Variants in DLGAP2 observed in about 807,000 individuals in gnomAD.
DLGAP2 encodes disks large-associated protein 2.
In DLGAP2, 26 loss-of-function variants were observed where a neutral mutation model predicts 100.3. The ratio of observed to expected loss-of-function variants is 0.26; its 90% CI spans 0.19 to 0.36. The LOEUF (loss-of-function observed/expected upper bound fraction) is 0.36, where lower values mean the gene tolerates loss of function less well. Among genes scored for constraint, DLGAP2 ranks in the 10% least tolerant of loss-of-function variants. The pLI is 1.00. For missense variants in DLGAP2, 1,858 were observed against 1,453.2 expected, an observed-to-expected ratio of 1.28 and a Z score of -4.53; for synonymous variants, 886 against 630.1, an observed-to-expected ratio of 1.41 and a Z score of -6.08.
chr8:1,672,407 T>G (rs945197652), intron 10 of DLGAP2, among the ~76,000 whole-genome samples: 10 of 152,162 alleles, frequency 6.6e-5, no homozygotes, highest in African/African-American at 2.4e-4. Context: ...TTTGTATTTT[T>G]AGTAGAGATG....
chr8:1,154,113 A>T (rs1796739954), intron 2 of DLGAP2, among the ~76,000 whole-genome samples: 1 of 152,220 alleles, frequency 6.6e-6, no homozygotes, highest in African/African-American at 2.4e-5. Context: ...GCATACATGG[A>T]TATGCACCAG....
chr8:1,306,539 C>T (rs1462658263), intron 3 of DLGAP2, among the ~76,000 whole-genome samples: 2 of 152,044 alleles, frequency 1.3e-5, no homozygotes, highest in Non-Finnish European at 2.9e-5. Flanking sequence ...ATAGAAAAAT[C>T]CACCCTAAAA....
intron 4 of DLGAP2, among the ~76,000 whole-genome samples, chr8:1,505,794 C>T (rs73172576): frequency 9.0e-4 from 137 of 152,178 alleles, no homozygotes; most frequent in Non-Finnish European, 1.2e-3. Flanking sequence ...CTCATTATGA[C>T]GTTACTTCTA....
intron 2 of DLGAP2, among the ~76,000 whole-genome samples, chr8:1,076,422 G>A (rs185795445): frequency 2.1e-3 from 320 of 152,308 alleles, no homozygotes; most frequent in Admixed American, 4.2e-3. Flanking sequence ...GGTATTTTGC[G>A]GAAAGTCGGA....
intron 2 of DLGAP2, among the ~76,000 whole-genome samples, chr8:923,665 G>GT (rs1798759294): frequency 1.3e-5 from 2 of 152,198 alleles, no homozygotes; most frequent in Admixed American, 6.5e-5. Context: ...TCTGAGCTTG[G>GT]TGCATAGGGG....
At chr8:840,301 C>T (rs1455362777) in intron 1 of DLGAP2, among the ~76,000 whole-genome samples, 13 of 44,148 alleles carry the variant, frequency 2.9e-4, no homozygotes, top group South Asian at 1.2e-3. Context: ...CGAGCGCGTC[C>T]ACACGGTGCA....
At position 1,606,937 on chromosome 8, in the gene DLGAP2, A is replaced by G. The variant is rs184730318; in HGVS notation, c.1443-19803A>G. Among the ~76,000 whole-genome samples, 685 of 152,284 alleles carry G rather than the reference A, an allele frequency of 4.5e-3. 3 individuals are homozygous for G. Among genetic ancestry groups the G allele is most frequent in the African/African-American group, 0.016 (650 of 41,558 alleles). On this transcript the variant is annotated intron_variant, in intron 6 of 14. Transcript: ENST00000637795. ...TAAGCTCGAGAGATCCACCTACCGC[A>G]GCCTCCCAAAGTGCTGGGATTACAG...
intron 7 of DLGAP2, among the ~76,000 whole-genome samples, chr8:1,628,822 T>G (rs1797573881): frequency 6.6e-6 from 1 of 152,230 alleles, no homozygotes. Flanking sequence ...TCACATTCTC[T>G]CTGACTTACT....
chr8:1,684,031 G>C (rs1286557553), intron 12 of DLGAP2, among the ~76,000 whole-genome samples: 1 of 140,360 alleles, frequency 7.1e-6, no homozygotes, highest in Admixed American at 7.3e-5. Context: ...ACCAAGGCTG[G>C]AGCGCAGTGG....
chr8:1,337,423 ATGG>A (rs1563091454), intron 3 of DLGAP2, among the ~76,000 whole-genome samples: 1 of 61,806 alleles, frequency 1.6e-5, no homozygotes, highest in Non-Finnish European at 4.2e-5. Context: ...GGTGAGGATG[ATGG>A]TGATGGTGAT....
rs756402950 is a variant in DLGAP2 at position 1,678,527 on chromosome 8, G to A, written c.2602G>A (p.Gly868Ser). The change falls in exon 12 of 15, where the codon GGC becomes AGC. Residue 868 changes from glycine to serine, a missense_variant. By Grantham distance (56) the Gly-to-Ser change is moderately conservative. Transcript: ENST00000637795. ...GAGGATGTCTCCGTGCCGCAGGGAT[G>A]GCTCGTGGTTTTTGAAGCTGCTGCA... ...TGRMSPCRRD[G>S]SWFLKLLHAE... The A allele has an allele frequency of 5.6e-6, 9 of 1,604,068 alleles. No individual in the cohort carries two copies. The African/African-American group carries it at 9.4e-5, about 17-fold the overall frequency.
rs1801666321 is a variant in DLGAP2, at chr8:1,549,161, G to C, written c.708G>C (p.Val236=). 6.3e-7 allele frequency: 1 copy of C among 1,597,514 alleles called. No homozygotes were observed. Among genetic ancestry groups the C allele is most frequent in the Middle Eastern group, 1.7e-4 (1 of 6,054 alleles). ...PGRIRHLVHS[V]QKLFTKSHSL... is the part of the protein sequence containing the mutation. ...GGATCCGCCACCTGGTACACTCCGT[G>C]CAGAAGCTCTTCACCAAGTCGCACT... The change falls in exon 5 of 15, where the codon GTG becomes GTC. Residue 236 remains valine (V), a synonymous_variant. Coordinates refer to ENST00000637795, the MANE Select transcript of DLGAP2 (RefSeq NM_001346810.2).
chr8:767,193 T>C (rs1247337944), intron 1 of DLGAP2, among the ~76,000 whole-genome samples: 1 of 152,068 alleles, frequency 6.6e-6, no homozygotes. Context: ...CCTGGATCCT[T>C]GTGGTCCTGC....
chr8:1,335,501 A>G (rs551336036), intron 3 of DLGAP2, among the ~76,000 whole-genome samples: 20 of 152,294 alleles, frequency 1.3e-4, no homozygotes, highest in African/African-American at 2.9e-4. Context: ...TCACGTTGCA[A>G]TATCGGACAT....
At chr8:1,089,190 C>T (rs546271011) in intron 2 of DLGAP2, among the ~76,000 whole-genome samples, 6 of 152,312 alleles carry the variant, frequency 3.9e-5, no homozygotes, top group Non-Finnish European at 7.3e-5. Flanking sequence ...CCTCATCCAG[C>T]AGGCTATGCA....
At chr8:1,042,755 A>ATGGATGTG (rs1563161074) in intron 2 of DLGAP2, among the ~76,000 whole-genome samples, 2 of 36,330 alleles carry the variant, frequency 5.5e-5, no homozygotes, top group Non-Finnish European at 5.4e-5. Flanking sequence ...TCGTGGATGT[A>ATGGATGTG]GGTGGTGGAT....
chr8:1,012,084 G>C (rs975509303), intron 2 of DLGAP2, among the ~76,000 whole-genome samples: 2 of 152,132 alleles, frequency 1.3e-5, no homozygotes, highest in South Asian at 2.1e-4. Flanking sequence ...GGCCCGTGTC[G>C]CAGGAAGACC....
intron 8 of DLGAP2, among the ~76,000 whole-genome samples, chr8:1,637,982 A>G (rs557021429): frequency 6.6e-6 from 1 of 152,174 alleles, no homozygotes; most frequent in African/African-American, 2.4e-5. Flanking sequence ...TGAAGTAATG[A>G]CAAACGTCCC....
chr8:864,694 C>G (rs981902499), intron 1 of DLGAP2, among the ~76,000 whole-genome samples: 1 of 152,148 alleles, frequency 6.6e-6, no homozygotes, highest in African/African-American at 2.4e-5. Context: ...AAACCTTTTG[C>G]CGTTGCACAA....
Sources: gnomAD v4.1 joint callset for allele counts (sites outside exome capture counted in the v4.1 genomes callset) on GRCh38, gnomAD v4.1.1 for gene constraint, MANE v1.5 for transcripts, NCBI Gene and HGNC (gene_info 2026-07-23, HGNC 2026-07-21) for gene names.